Variants in NCOR2 observed in about 807,000 individuals in gnomAD.
NCOR2 encodes CTG repeat protein 26.
NCOR2 carries 81 observed loss-of-function variants against 262.9 expected under a neutral mutation model. The ratio of observed to expected loss-of-function variants is 0.31; its 90% CI spans 0.26 to 0.37. The LOEUF is 0.37. Among genes scored for constraint, NCOR2 ranks in the 10% least tolerant of loss-of-function variants. NCOR2 has a pLI of 1.00. For synonymous variants in NCOR2, 1,659 were observed against 1,559.3 expected (o/e 1.06, Z -1.51); for missense variants, 3,385 against 3,621.4 (o/e 0.93, Z 1.68).
At chr12:124,552,543 C>CCATGTG (rs2051745835) in intron 1 of NCOR2, among the ~76,000 whole-genome samples, 1 of 152,324 alleles carries the variant, frequency 6.6e-6, no homozygotes, top group African/African-American at 2.4e-5. Flanking sequence ...CAGCCATTGT[C>CCATGTG]TCCATGACCA....
chr12:124,555,261 C>T (rs71458858), intron 1 of NCOR2, among the ~76,000 whole-genome samples: 2 of 152,328 alleles, frequency 1.3e-5, no homozygotes, highest in East Asian at 1.9e-4. Flanking sequence ...GCACCCTCAC[C>T]TCTGCCCCTC....
chr12:124,354,054 G>T, intron 27 of NCOR2, 39 bp downstream of exon 29: 11 of 1,569,206 alleles, frequency 7.0e-6, no homozygotes, highest in Non-Finnish European at 9.5e-6. Context: ...CCCCGTGCTG[G>T]TCCCAACCGT....
rs567868320 is a variant in NCOR2 at position 124,561,440 on chromosome 12, G to A, written c.-165+5868C>T. On this transcript the variant is annotated intron_variant, in intron 1 of 32. Transcript: ENST00000458234. ...AAGGAGACTCCCCCAACAGCTTTGG[G>A]CAGTTTTAATACCCAATGCCCCACG... is the stretch of plus-strand genomic sequence containing the variant. 1.1e-4 allele frequency among the ~76,000 whole-genome samples: 17 copies of A among 152,334 alleles called. 1 individual carries two copies. In the South Asian group the frequency reaches 2.9e-3, roughly 26 times the overall value.
chr12:124,410,954 G>T (rs2042545811), intron 13 of NCOR2, among the ~76,000 whole-genome samples: 1 of 148,070 alleles, frequency 6.8e-6, no homozygotes, highest in Non-Finnish European at 1.5e-5. Flanking sequence ...GGAGGAGAGA[G>T]AAAGGGAGAA....
chr12:124,550,149 AAC>A (rs2051670324), intron 1 of NCOR2, among the ~76,000 whole-genome samples: 1 of 102,594 alleles, frequency 9.7e-6, no homozygotes, highest in African/African-American at 3.5e-5. Context: ...CAGCCCCTGC[AAC>A]AGAGAGTGAC....
chr12:124,373,249 C>A (rs12832637), intron 19 of NCOR2, among the ~76,000 whole-genome samples: 9,358 of 144,382 alleles, frequency 0.065, 449 homozygotes, highest in South Asian at 0.15. Flanking sequence ...AGTGCGTGTG[C>A]AGGGGACCCG....
Position 124,490,408 on chromosome 12 carries a change from A to ATGGATG in NCOR2, c.106-3841_106-3840insCATCCA, listed in dbSNP as rs2048017363. 7.9e-5 allele frequency among the ~76,000 whole-genome samples: 10 copies of ATGGATG among 126,260 alleles called. 1 individual carries two copies. The highest frequency in any genetic ancestry group is 1.4e-4 in the Non-Finnish European group (8 of 57,204). The allele number at this position is 126,260 out of a possible 152,430, so 82.8% of individuals were successfully genotyped here. A position where few individuals can be genotyped will look rare whatever the true frequency, so the allele number is the denominator to read the frequency against. On this transcript the variant is annotated intron_variant, in intron 1 of 46. Coordinates refer to ENST00000405201, the Ensembl canonical transcript of NCOR2. ...CCGAGACGCCTGATAAGTATTTGCC[A>ATGGATG]GATGGATGGATGGATGGATGGATGG...
At chr12:124,498,037 T>C (rs2048466975), upstream of NCOR2, among the ~76,000 whole-genome samples, 1 of 152,060 alleles carries the variant, frequency 6.6e-6, no homozygotes, top group African/African-American at 2.4e-5. Context: ...TTCTATTCCC[T>C]TCTCTCTAGG....
rs530063328 is a variant in NCOR2 at position 124,363,804 on chromosome 12, G to A, written c.2808-5C>T. 1.2e-5 allele frequency: 16 copies of A among 1,345,322 alleles called. No homozygotes were observed. The highest frequency in any genetic ancestry group is 2.0e-4 in the Middle Eastern group (1 of 4,890). 83.3% of individuals were successfully genotyped at this position (1,345,322 alleles called of 1,614,324 possible). ...CTGGGCCTTGGGGACAGCAGCCTGC[G>A]GGCACACGAGCACCATCAGCTGGGG... On this transcript the variant is annotated splice_region_variant and splice_polypyrimidine_tract_variant and intron_variant, in intron 20 of 46. Transcript: ENST00000405201.
chr12:124,430,882 G>C, intron 8 of NCOR2, 95 bp from the exon 11 acceptor site: 2 of 1,453,486 alleles, frequency 1.4e-6, no homozygotes, highest in South Asian at 1.3e-5. Flanking sequence ...ACACACAGGT[G>C]CGTGCGCACA....
At chr12:124,354,242 C>G (rs375822862) in intron 26 of NCOR2, 46 bp from the exon 29 acceptor site, 3 of 1,528,522 alleles carry the variant, frequency 2.0e-6, no homozygotes, top group Non-Finnish European at 1.8e-6. Flanking sequence ...TGTGGCCCTT[C>G]CTTCCCCAGG....
At chr12:124,426,386 A>G (rs1489365240) in intron 11 of NCOR2, among the ~76,000 whole-genome samples, 1 of 152,250 alleles carries the variant, frequency 6.6e-6, no homozygotes, top group African/African-American at 2.4e-5. Flanking sequence ...GGATGCTGGC[A>G]GCACCAGCTG....
At chr12:124,331,017 A>ATGAGAACCTGCAAT in intron 43 of NCOR2, 119 bp from the exon 46 acceptor site, 1 of 991,740 alleles carries the variant, frequency 1.0e-6, no homozygotes, top group Non-Finnish European at 1.5e-6. Context: ...TGTGCATTGC[A>ATGAGAACCTGCAAT]GGTTCTCATG....
At chr12:124,408,388 G>T (rs2042389781) in intron 13 of NCOR2, among the ~76,000 whole-genome samples, 1 of 152,004 alleles carries the variant, frequency 6.6e-6, no homozygotes, top group South Asian at 2.1e-4. Context: ...ATACCAAGGC[G>T]TGCTGGAGCC....
At chr12:124,338,949 A>C (rs2036146476) in intron 37 of NCOR2, among the ~76,000 whole-genome samples, 1 of 107,244 alleles carries the variant, frequency 9.3e-6, no homozygotes, top group African/African-American at 3.8e-5. Context: ...CTATACTCTC[A>C]CCCACCCACC....
At chr12:124,477,462 T>C (rs2047165408) in intron 3 of NCOR2, among the ~76,000 whole-genome samples, 1 of 152,228 alleles carries the variant, frequency 6.6e-6, no homozygotes, top group Non-Finnish European at 1.5e-5. Context: ...TTATTAGCGG[T>C]GTAAGAACAG....
chr12:124,562,197 G>C (rs144142691), intron 1 of NCOR2: 5 of 152,242 alleles, frequency 3.3e-5, no homozygotes, highest in African/African-American at 9.6e-5. Flanking sequence ...TAAATAAAAT[G>C]ACCAGTTCAG....
intron 11 of NCOR2, among the ~76,000 whole-genome samples, chr12:124,423,187 C>T (rs1464215442): frequency 6.6e-6 from 1 of 152,166 alleles, no homozygotes; most frequent in Non-Finnish European, 1.5e-5. Context: ...TGGGCCCAGG[C>T]TGAAATGTGA....
At chr12:124,363,726 G>C in exon 21 of NCOR2, 1 of 1,412,984 alleles carries the variant, frequency 7.1e-7, no homozygotes, top group Non-Finnish European at 9.3e-7. Flanking sequence ...TTCAGGTCCA[G>C]TGGCTTCTGG....
Sources: gnomAD v4.1 joint callset for allele counts (sites outside exome capture counted in the v4.1 genomes callset) on GRCh38, gnomAD v4.1.1 for gene constraint, MANE v1.5 for transcripts, NCBI Gene and HGNC (gene_info 2026-07-23, HGNC 2026-07-21) for gene names.